Variants in ZDHHC3 observed in about 807,000 individuals in gnomAD.
ZDHHC3 encodes the protein zDHHC palmitoyltransferase 3, also known as palmitoyltransferase ZDHHC3.
Under a neutral mutation model 30.6 loss-of-function variants are expected in ZDHHC3, and 9 were observed. The ratio of observed to expected loss-of-function variants is 0.29; its 90% CI spans 0.18 to 0.51. ZDHHC3 has a LOEUF of 0.51. ZDHHC3 is among the 20% of genes least tolerant of loss of function. The pLI, the probability that ZDHHC3 is intolerant of heterozygous loss-of-function variation, is 0.97. For synonymous variants in ZDHHC3, 136 were observed against 140.2 expected (o/e 0.97, Z 0.21); for missense variants, 246 against 384.2 (o/e 0.64, Z 3.01).
chr3:44,968,942 G>A (rs1475599826), intron 1 of ZDHHC3, among the ~76,000 whole-genome samples: 1 of 152,172 alleles, frequency 6.6e-6, no homozygotes, highest in South Asian at 2.1e-4. Context: ...TCACAGGGAG[G>A]TGGCTAACTT....
intron 1 of ZDHHC3, among the ~76,000 whole-genome samples, chr3:44,961,848 C>T (rs567879005): frequency 5.9e-5 from 9 of 152,344 alleles, no homozygotes; most frequent in Admixed American, 1.3e-4. Context: ...GGACCACAGC[C>T]ATGTCATTTG....
At chr3:44,929,192 C>G (rs1701270132) in intron 6 of ZDHHC3, 114 bp downstream of exon 6, 3 of 1,385,236 alleles carry the variant, frequency 2.2e-6, no homozygotes, top group South Asian at 2.8e-5. Context: ...CCCTGCACAC[C>G]AGGGGCCTGA....
chr3:44,939,665 C>T (rs935521042), intron 3 of ZDHHC3, among the ~76,000 whole-genome samples: 1 of 152,254 alleles, frequency 6.6e-6, no homozygotes, highest in Non-Finnish European at 1.5e-5. Flanking sequence ...TGGACATCCT[C>T]TGAAAGCTGC....
intron 1 of ZDHHC3, among the ~76,000 whole-genome samples, chr3:44,962,939 A>T (rs1370090851): frequency 6.6e-6 from 1 of 152,236 alleles, no homozygotes; most frequent in Non-Finnish European, 1.5e-5. Flanking sequence ...GCCTTCAGGG[A>T]ACAACTGCTA....
chr3:44,960,094 C>G (rs1704341155), intron 1 of ZDHHC3, among the ~76,000 whole-genome samples: 1 of 152,174 alleles, frequency 6.6e-6, no homozygotes, highest in African/African-American at 2.4e-5. Context: ...GCACTAGAAC[C>G]TAGGTCTCCT....
intron 2 of ZDHHC3, among the ~76,000 whole-genome samples, chr3:44,953,477 T>A (rs761135700): frequency 6.6e-6 from 1 of 152,184 alleles, no homozygotes; most frequent in Non-Finnish European, 1.5e-5. Flanking sequence ...AGACAGGTTC[T>A]AAAGAAATGC....
chr3:44,939,730 C>T (rs928585047), intron 3 of ZDHHC3, among the ~76,000 whole-genome samples: 2 of 152,358 alleles, frequency 1.3e-5, no homozygotes, highest in African/African-American at 4.8e-5. Flanking sequence ...TCCTCCCAGC[C>T]TCTCTGGAGA....
Position 44,933,926 on chromosome 3 carries a change from C to T in ZDHHC3, c.490G>A (p.Val164Ile). The T allele has an allele frequency of 6.2e-7, 1 of 1,614,228 alleles. No homozygotes were observed. Among genetic ancestry groups the T allele is most frequent in the Non-Finnish European group, 8.5e-7 (1 of 1,180,038 alleles). ...AAGTACTTCTGGTTGTTCTCGCCTA[C>T]ACAGTTGTTGACCCAGGGACAGTGG... ...DHHCPWVNNC[V>I]GENNQKYFVL... Residue 164 changes from valine to isoleucine, a missense_variant, in exon 4 of 7, where the codon GTA becomes ATA. Val to Ile is a conservative substitution (Grantham distance 29, BLOSUM62 3). Transcript: ENST00000424952.
rs912357292 is a variant in ZDHHC3 at position 44,920,766 on chromosome 3, T to C, written c.*5923A>G. 1.0e-6 allele frequency: 1 copy of C among 985,268 alleles called. No homozygotes were observed. The highest frequency in any genetic ancestry group is 6.2e-5 in the Admixed American group (1 of 16,260). 61.0% of individuals were successfully genotyped at this position (985,268 alleles called of 1,614,324 possible). On this transcript the variant is annotated 3_prime_UTR_variant, in exon 7 of 7. Transcript: ENST00000424952. ...TGGCATGCTCCCAGATAGGCACTCTTGGATTATACTCAACCTCCTCACCAA... is the reference window on the plus strand; with the variant it reads ...TGGCATGCTCCCAGATAGGCACTCTCGGATTATACTCAACCTCCTCACCAA...
rs1398952931 is a variant in ZDHHC3 at position 44,945,157 on chromosome 3, A to G, written c.431+11T>C. ...TGGGAGAAGAGAGGAGGCGAGCCCC[A>G]GTGAGTGTACCTGCAGTGGTGGGCT... On this transcript the variant is annotated intron_variant, in intron 3 of 6. Coordinates refer to ENST00000424952, the MANE Select transcript of ZDHHC3 (RefSeq NM_001135179.2). 1.8e-5 allele frequency: 29 copies of G among 1,613,720 alleles called. No homozygotes were observed. The highest frequency in any genetic ancestry group is 2.4e-5 in the Non-Finnish European group (28 of 1,180,002).
intron 1 of ZDHHC3, chr3:44,975,392 A>T (rs1309806203): frequency 6.6e-6 from 1 of 152,132 alleles, no homozygotes; most frequent in Non-Finnish European, 1.5e-5. Flanking sequence ...TCCCGCTAGG[A>T]AGCGTTGGGG....
Position 44,926,646 on chromosome 3 carries a change from T to C in ZDHHC3, c.*43A>G, listed in dbSNP as rs775288945. 3.3e-6 allele frequency: 5 copies of C among 1,532,578 alleles called. No homozygotes were observed. In the South Asian group the frequency reaches 5.1e-5, roughly 16 times the overall value. The allele number at this position is 1,532,578 out of a possible 1,614,324, so 94.9% of individuals were successfully genotyped here. A position where few individuals can be genotyped will look rare whatever the true frequency, so the allele number is the denominator to read the frequency against. On this transcript the variant is annotated 3_prime_UTR_variant, in exon 7 of 7. Coordinates refer to ENST00000424952, the MANE Select transcript of ZDHHC3 (RefSeq NM_001135179.2). ...GAGAACGGATGGGACGGTAGTGCTG[T>C]GGTGTGGACTTGTGTCTGAGTGGCC...
Position 44,920,366 on chromosome 3 carries a change from G to T in ZDHHC3, c.*6323C>A. The T allele has an allele frequency of 3.1e-6, 4 of 1,289,508 alleles. No homozygotes were observed. Among genetic ancestry groups the T allele is most frequent in the Non-Finnish European group, 4.0e-6 (4 of 988,632 alleles). 79.9% of individuals were successfully genotyped at this position (1,289,508 alleles called of 1,614,324 possible). A position where few individuals can be genotyped will look rare whatever the true frequency, so the allele number is the denominator to read the frequency against. On this transcript the variant is annotated 3_prime_UTR_variant, in exon 7 of 7. Coordinates refer to ENST00000424952, the MANE Select transcript of ZDHHC3 (RefSeq NM_001135179.2). ...TTGAGAAAGAGGCTTTAACTTCATA[G>T]CACGAGAGCTGGGACATCACCATAT...
chr3:44,931,498 G>A (rs1029375024), intron 5 of ZDHHC3, among the ~76,000 whole-genome samples: 46 of 152,256 alleles, frequency 3.0e-4, no homozygotes, highest in African/African-American at 1.1e-3. Context: ...CTAATCCTGG[G>A]GGACAGCCCT....
At chr3:44,927,118 G>A (rs1224191358) in intron 6 of ZDHHC3, among the ~76,000 whole-genome samples, 2 of 152,188 alleles carry the variant, frequency 1.3e-5, no homozygotes, top group African/African-American at 4.8e-5. Flanking sequence ...TGCCAGGCCG[G>A]GGTGTGTCGC....
intron 2 of ZDHHC3, among the ~76,000 whole-genome samples, chr3:44,946,120 A>C (rs528305514): frequency 3.9e-5 from 6 of 152,330 alleles, no homozygotes; most frequent in African/African-American, 1.4e-4. Context: ...TGCTGGGATT[A>C]AGTTTTACTT....
chr3:44,933,585 C>T (rs1701686717), intron 4 of ZDHHC3: 1 of 538,236 alleles, frequency 1.9e-6, no homozygotes, highest in African/African-American at 1.9e-5. Flanking sequence ...ACCTGCACCT[C>T]AGGATTTGAG....
chr3:44,949,982 C>A (rs950677768), intron 2 of ZDHHC3, among the ~76,000 whole-genome samples: 15 of 152,116 alleles, frequency 9.9e-5, no homozygotes, highest in Non-Finnish European at 2.1e-4. Context: ...ACTACCGGCA[C>A]AAGCCACCAT....
At position 44,923,369 on chromosome 3, in the gene ZDHHC3, A is replaced by G. The variant is rs1250837518; in HGVS notation, c.*3320T>C. 1 of 985,292 alleles carries G rather than the reference A, an allele frequency of 1.0e-6. No individual in the cohort carries two copies. Among genetic ancestry groups the G allele is most frequent in the East Asian group, 1.1e-4 (1 of 8,804 alleles). The allele number at this position is 985,292 out of a possible 1,614,324, so 61.0% of individuals were successfully genotyped here. On this transcript the variant is annotated 3_prime_UTR_variant, in exon 7 of 7. Coordinates refer to ENST00000424952, the MANE Select transcript of ZDHHC3 (RefSeq NM_001135179.2). ...GGGATTACAGGCGTGAGGGATGTCC[A>G]CAGTGAGAAGTGTCCGCGCCCGGCT...
Sources: allele counts gnomAD v4.1 joint callset (sites outside exome capture counted in the v4.1 genomes callset), GRCh38; gene constraint gnomAD v4.1.1; transcripts MANE v1.5; gene names NCBI Gene and HGNC (gene_info 2026-07-23, HGNC 2026-07-21).